The following VRK3 variants were observed in gnomAD, a reference collection of about 807,000 sequenced individuals.
The protein encoded by VRK3 is VRK serine/threonine kinase 3.
VRK3 carries 50 observed loss-of-function variants against 60.4 expected under a neutral mutation model. That is an observed-to-expected ratio of 0.83 (90% confidence interval 0.66 to 1.05). The LOEUF (loss-of-function observed/expected upper bound fraction) is 1.05, where lower values mean the gene tolerates loss of function less well. Ranked by LOEUF, VRK3 falls within the 50% of genes least tolerant of loss-of-function variation. The pLI is 0.00. For missense variants in VRK3, 549 were observed against 585.3 expected (o/e 0.94, Z 0.64); for synonymous variants, 246 against 227.8 (o/e 1.08, Z -0.72).
chr19:49,996,243 A>G (rs893311718), intron 7 of VRK3, among the ~76,000 whole-genome samples: 1 of 151,626 alleles, frequency 6.6e-6, no homozygotes, highest in African/African-American at 2.4e-5. Flanking sequence ...TTTTCAATAG[A>G]GATGGGTTTT....
chr19:50,024,999 C>A (rs1165385589), intron 1 of VRK3: 1 of 152,258 alleles, frequency 6.6e-6, no homozygotes, highest in Non-Finnish European at 1.5e-5. Context: ...ATGACTTAGA[C>A]GCCAAGTTTC....
intron 1 of VRK3, among the ~76,000 whole-genome samples, chr19:50,020,850 T>C (rs1481150939): frequency 6.6e-6 from 1 of 152,142 alleles, no homozygotes; most frequent in Non-Finnish European, 1.5e-5. Context: ...ACACAGCCCC[T>C]GTCTTCAGGA....
chr19:50,020,087 C>T (rs1008531067), intron 2 of VRK3, among the ~76,000 whole-genome samples: 7 of 151,392 alleles, frequency 4.6e-5, no homozygotes, highest in African/African-American at 1.5e-4. Context: ...GTTGCCCAGG[C>T]TGGAGTGTAG....
At chr19:49,995,372 C>G in intron 7 of VRK3, 97 bp from the exon 8 acceptor site, 2 of 1,087,632 alleles carry the variant, frequency 1.8e-6, no homozygotes, top group Non-Finnish European at 2.7e-6. Flanking sequence ...GTGCCCAGAC[C>G]GCCTCCAAGT....
At chr19:50,013,580 T>C (rs757278807) in intron 3 of VRK3, among the ~76,000 whole-genome samples, 8 of 152,254 alleles carry the variant, frequency 5.3e-5, no homozygotes, top group Non-Finnish European at 1.2e-4. Context: ...AACTGTCCGA[T>C]GGATAAACCT....
chr19:50,024,896 G>C (rs1475562073), intron 1 of VRK3: 10 of 152,340 alleles, frequency 6.6e-5, no homozygotes, highest in Admixed American at 2.6e-4. Context: ...CAGCAAAAAG[G>C]CTAAAAGTCA....
At chr19:49,997,469 A>G in intron 7 of VRK3, 35 bp downstream of exon 7, 1 of 1,607,474 alleles carries the variant, frequency 6.2e-7, no homozygotes. Flanking sequence ...CGCCCCCCTC[A>G]CTCTCCCCTC....
chr19:49,998,189 T>TA (rs1353565782), intron 6 of VRK3: 1 of 152,110 alleles, frequency 6.6e-6, no homozygotes, highest in Non-Finnish European at 1.5e-5. Context: ...AGGTATTTGT[T>TA]AAAATAACAC....
chr19:50,020,368 C>T (rs952926212), intron 2 of VRK3: 4 of 152,194 alleles, frequency 2.6e-5, no homozygotes, highest in Non-Finnish European at 2.9e-5. Context: ...TACACGGCTT[C>T]GTGTTAAATA....
chr19:49,999,940 T>C (rs932568602), intron 6 of VRK3: 1 of 152,200 alleles, frequency 6.6e-6, no homozygotes, highest in South Asian at 2.1e-4. Flanking sequence ...GAGGATTCAA[T>C]GAAGCAGTGC....
At chr19:49,989,552 C>A in intron 11 of VRK3, 87 bp downstream of exon 11, 1 of 1,487,384 alleles carries the variant, frequency 6.7e-7, no homozygotes. Flanking sequence ...TGTCTGGCCA[C>A]CTGCTGTCTC....
In VRK3 at chr19:49,981,637, T is replaced by C. The variant is rs895120782; in HGVS notation, c.1218-624A>G. 6.6e-5 allele frequency: 58 copies of C among 878,864 alleles called. No homozygotes were observed. In the Middle Eastern group the frequency reaches 2.3e-3, roughly 34 times the overall value. 54.4% of individuals were successfully genotyped at this position (878,864 alleles called of 1,614,324 possible). ...AATAAGTATTGTTGATTCATTAGCA[T>C]TGAACTCTTTTAATCTGTGATCCTT... On this transcript the variant is annotated intron_variant, in intron 12 of 14. Transcript: ENST00000316763.
rs148772168 is a variant in VRK3 at position 49,988,475 on chromosome 19, C to T, written c.1114G>A (p.Asp372Asn). The change falls in exon 12 of 15, where the codon GAC becomes AAC. Residue 372 changes from aspartate (D) to asparagine (N), a missense_variant. Asp to Asn is a conservative substitution (Grantham distance 23). Coordinates refer to ENST00000316763, the MANE Select transcript of VRK3 (RefSeq NM_016440.4). ...ATGCAGTAGCCCAGGCTCTGGAGGT[C>T]GCTGCGGCGGGAGGGCCCTGGGGAA... ...HKGCGPSRRSDLQSLGYCMLK... is the reference protein window; with the variant it reads ...HKGCGPSRRSNLQSLGYCMLK... 74 of 1,613,186 alleles carry T rather than the reference C, an allele frequency of 4.6e-5. No homozygotes were observed. Among genetic ancestry groups the T allele is most frequent in the Admixed American group, 1.2e-4 (7 of 59,988 alleles).
chr19:49,981,055 GGA>G, intron 12 of VRK3, 42 bp from the exon 13 acceptor site: 1 of 1,584,368 alleles, frequency 6.3e-7, no homozygotes, highest in Non-Finnish European at 8.6e-7. Context: ...CTTAGGGAAA[GGA>G]GAGCAACCTT....
At chr19:50,000,581 G>C (rs2076786810) in intron 6 of VRK3, 1 of 606,050 alleles carries the variant, frequency 1.7e-6, no homozygotes, top group Non-Finnish European at 2.9e-6. Context: ...ATCAGAGCCA[G>C]ACTTGGGTGG....
chr19:50,022,344 T>A lies in VRK3; in HGVS notation c.-64-1697A>T, dbSNP rs1394644383. 3.9e-5 allele frequency among the ~76,000 whole-genome samples: 6 copies of A among 152,218 alleles called. No homozygotes were observed. The East Asian group carries it at 1.2e-3, about 29-fold the overall frequency. On this transcript the variant is annotated intron_variant, in intron 1 of 14. Coordinates refer to ENST00000316763, the MANE Select transcript of VRK3 (RefSeq NM_016440.4). ...TTCTGACACCGTCACCAGCCTGGTC[T>A]AGGCCACCATCTCTCCCTTGTGCTA...
At chr19:50,014,665 C>G (rs537742832) in intron 3 of VRK3, among the ~76,000 whole-genome samples, 6 of 152,064 alleles carry the variant, frequency 3.9e-5, no homozygotes, top group Non-Finnish European at 5.9e-5. Context: ...CAGGAGGGAG[C>G]GGCAAGCGCA....
intron 1 of VRK3, among the ~76,000 whole-genome samples, chr19:50,022,987 C>G (rs1477094901): frequency 2.0e-5 from 3 of 152,168 alleles, no homozygotes; most frequent in Non-Finnish European, 2.9e-5. Context: ...CACGCTGAGT[C>G]AGCCACAACA....
intron 12 of VRK3, among the ~76,000 whole-genome samples, chr19:49,985,017 T>C (rs1191386413): frequency 6.6e-6 from 1 of 152,206 alleles, no homozygotes; most frequent in East Asian, 1.9e-4. Flanking sequence ...GCCCCCCTAC[T>C]GCCCTCAGTC....
Sources: gnomAD v4.1 joint callset for allele counts (sites outside exome capture counted in the v4.1 genomes callset) on GRCh38, gnomAD v4.1.1 for gene constraint, MANE v1.5 for transcripts, NCBI Gene and HGNC (gene_info 2026-07-23, HGNC 2026-07-21) for gene names.